The following MACROD2 variants were observed in gnomAD, a reference collection of about 807,000 sequenced individuals.
The protein encoded by MACROD2 is mono-ADP ribosylhydrolase 2.
A neutral mutation model predicts 70.4 loss-of-function variants in MACROD2; 36 were observed. The ratio of observed to expected loss-of-function variants is 0.51; its 90% CI spans 0.39 to 0.68. MACROD2 has a LOEUF of 0.68. Ranked by LOEUF, MACROD2 falls within the 30% of genes least tolerant of loss-of-function variation. The probability of loss-of-function intolerance (pLI) is 0.00; values close to 1 mark genes in which losing one functional copy is unlikely to be tolerated. For synonymous variants in MACROD2, 172 were observed against 178.8 expected, an observed-to-expected ratio of 0.96 and a Z score of 0.30; for missense variants, 496 against 538.4, an observed-to-expected ratio of 0.92 and a Z score of 0.78.
intron 6 of MACROD2, among the ~76,000 whole-genome samples, chr20:15,238,404 C>T (rs940855621): frequency 3.5e-4 from 53 of 151,948 alleles, no homozygotes; most frequent in African/African-American, 1.3e-3. Context: ...ATAATCCTAA[C>T]CTTTGATTCA....
At chr20:14,244,615 C>T (rs916887862) in intron 3 of MACROD2, among the ~76,000 whole-genome samples, 1 of 152,122 alleles carries the variant, frequency 6.6e-6, no homozygotes. Flanking sequence ...CTTTTTCTGG[C>T]CTCCTTTTAA....
chr20:15,128,832 G>A lies in MACROD2; in HGVS notation c.419-101108G>A, dbSNP rs138123435. 4.0e-3 allele frequency among the ~76,000 whole-genome samples: 405 copies of A among 100,554 alleles called. 1 individual carries two copies. The highest frequency in any genetic ancestry group is 0.013 in the African/African-American group (357 of 26,952). The allele number at this position is 100,554 out of a possible 152,430, so 66.0% of individuals were successfully genotyped here. ...TGAAGGATGGTTAGTTTGTATCTGG[G>A]GTTTGTGTTTTGTTTTTTTTTTTCA... On this transcript the variant is annotated intron_variant, in intron 5 of 17. Coordinates refer to ENST00000684519, the MANE Select transcript of MACROD2 (RefSeq NM_001351661.2).
chr20:15,891,457 A>G (rs535432677), intron 10 of MACROD2, among the ~76,000 whole-genome samples: 11 of 152,334 alleles, frequency 7.2e-5, no homozygotes, highest in African/African-American at 2.4e-4. Context: ...TTATGTTTCA[A>G]AAGCTCACAC....
At chr20:15,756,382 T>TA (rs1416470828) in intron 8 of MACROD2, among the ~76,000 whole-genome samples, 3 of 151,628 alleles carry the variant, frequency 2.0e-5, no homozygotes, top group Non-Finnish European at 4.4e-5. Flanking sequence ...AAAACTGCAC[T>TA]AAGTGGAGTA....
At chr20:14,273,214 T>C (rs185746126) in intron 3 of MACROD2, among the ~76,000 whole-genome samples, 1,585 of 152,164 alleles carry the variant, frequency 0.01, 25 homozygotes, top group African/African-American at 0.036. Context: ...CCACACCACA[T>C]GTATTCCAAA....
chr20:15,084,694 G>GA (rs2075733494), intron 5 of MACROD2, among the ~76,000 whole-genome samples: 1 of 152,010 alleles, frequency 6.6e-6, no homozygotes, highest in African/African-American at 2.4e-5. Flanking sequence ...TTTAGATGTG[G>GA]AAAAAAGTTA....
At chr20:15,297,430 A>G (rs1227048785) in intron 6 of MACROD2, among the ~76,000 whole-genome samples, 1 of 152,200 alleles carries the variant, frequency 6.6e-6, no homozygotes, top group Non-Finnish European at 1.5e-5. Flanking sequence ...TTAATTAAGA[A>G]GATCACAAAA....
chr20:15,907,924 G>T (rs979162949), intron 10 of MACROD2, among the ~76,000 whole-genome samples: 8 of 152,166 alleles, frequency 5.3e-5, no homozygotes, highest in Non-Finnish European at 8.8e-5. Flanking sequence ...TCACCCTCAA[G>T]CTTTGGGTTG....
chr20:14,862,906 A>G (rs980476187), intron 5 of MACROD2, among the ~76,000 whole-genome samples: 4 of 150,344 alleles, frequency 2.7e-5, no homozygotes, highest in Non-Finnish European at 5.9e-5. Context: ...CCTATATGGG[A>G]GCCAAACTTT....
chr20:15,553,213 C>T (rs909289969), intron 8 of MACROD2, among the ~76,000 whole-genome samples: 6 of 152,224 alleles, frequency 3.9e-5, no homozygotes, highest in African/African-American at 1.4e-4. Context: ...TGAGAACACA[C>T]GAGTCGACAA....
At chr20:15,604,719 G>A (rs1198590686) in intron 8 of MACROD2, among the ~76,000 whole-genome samples, 1 of 152,154 alleles carries the variant, frequency 6.6e-6, no homozygotes, top group Non-Finnish European at 1.5e-5. Context: ...TACGATTTGG[G>A]GTTCTTGGTT....
At chr20:15,369,673 G>C (rs1202446244) in intron 6 of MACROD2, among the ~76,000 whole-genome samples, 9 of 152,116 alleles carry the variant, frequency 5.9e-5, no homozygotes, top group African/African-American at 2.2e-4. Context: ...AACGTGGAAA[G>C]TGCTCTGAAC....
At chr20:14,022,685 A>G (rs958730478) in intron 2 of MACROD2, among the ~76,000 whole-genome samples, 3 of 152,056 alleles carry the variant, frequency 2.0e-5, no homozygotes, top group Non-Finnish European at 2.9e-5. Flanking sequence ...ATGAGTGAGA[A>G]CATGTGGTGG....
chr20:14,529,421 C>T (rs1217190828), intron 4 of MACROD2, among the ~76,000 whole-genome samples: 1 of 152,194 alleles, frequency 6.6e-6, no homozygotes, highest in South Asian at 2.1e-4. Context: ...ATGGCTACCA[C>T]GACTCCTAGA....
chr20:15,836,869 T>C (rs1237910862), intron 8 of MACROD2, among the ~76,000 whole-genome samples: 3 of 152,208 alleles, frequency 2.0e-5, no homozygotes, highest in Admixed American at 6.5e-5. Context: ...ACCACAGCTA[T>C]TTCTTTGTAG....
intron 8 of MACROD2, among the ~76,000 whole-genome samples, chr20:15,551,417 A>G (rs191701131): frequency 1.3e-3 from 188 of 148,402 alleles, no homozygotes; most frequent in Admixed American, 2.7e-3. Context: ...TTATTTATTT[A>G]TCATATTATT....
chr20:15,412,893 A>G (rs1314142053), intron 6 of MACROD2, among the ~76,000 whole-genome samples: 1 of 152,246 alleles, frequency 6.6e-6, no homozygotes, highest in Non-Finnish European at 1.5e-5. Flanking sequence ...GGGAGTCATT[A>G]CATACTTAAA....
intron 8 of MACROD2, among the ~76,000 whole-genome samples, chr20:15,669,869 A>G (rs890184718): frequency 6.6e-6 from 1 of 152,190 alleles, no homozygotes; most frequent in Admixed American, 6.5e-5. Context: ...GCTACCAACA[A>G]CTAGCTTTAT....
intron 5 of MACROD2, among the ~76,000 whole-genome samples, chr20:14,811,998 C>T (rs920625505): frequency 6.6e-6 from 1 of 152,068 alleles, no homozygotes; most frequent in Non-Finnish European, 1.5e-5. Context: ...GTTACTTCAA[C>T]CATTGTGGAA....
Sources: allele counts gnomAD v4.1 joint callset (sites outside exome capture counted in the v4.1 genomes callset), GRCh38; gene constraint gnomAD v4.1.1; transcripts MANE v1.5; gene names NCBI Gene and HGNC (gene_info 2026-07-23, HGNC 2026-07-21).